Variants in CD38 observed in about 807,000 individuals in gnomAD.
CD38 encodes ADP-ribosyl cyclase/cyclic ADP-ribose hydrolase 1.
In CD38, 31 loss-of-function variants were observed where a neutral mutation model predicts 36.3. The ratio of observed to expected loss-of-function variants is 0.85; its 90% CI spans 0.64 to 1.15. The LOEUF is 1.15. Ranked by LOEUF, CD38 falls within the 50% of genes most tolerant of loss-of-function variation. The pLI is 0.00. For synonymous variants in CD38, 131 were observed against 135.2 expected (o/e 0.97, Z 0.22); for missense variants, 380 against 371.9 (o/e 1.02, Z -0.18).
intron 7 of CD38, among the ~76,000 whole-genome samples, chr4:15,842,103 G>A (rs1401420434): frequency 1.6e-5 from 2 of 123,760 alleles, no homozygotes; most frequent in South Asian, 2.8e-4. Context: ...CACCTCTGGG[G>A]GCAGGGCACA....
intron 7 of CD38, among the ~76,000 whole-genome samples, chr4:15,848,293 A>C (rs1313726475): frequency 6.6e-6 from 1 of 152,168 alleles, no homozygotes; most frequent in African/African-American, 2.4e-5. Flanking sequence ...GGAAGAGAGG[A>C]AAGCAAATTA....
At chr4:15,840,946 G>A (rs181121322) in intron 7 of CD38, among the ~76,000 whole-genome samples, 1 of 152,040 alleles carries the variant, frequency 6.6e-6, no homozygotes, top group East Asian at 1.9e-4. Flanking sequence ...ACATCATTTT[G>A]CAAGTGAAGC....
At chr4:15,803,150 G>A (rs1274858555) in intron 1 of CD38, among the ~76,000 whole-genome samples, 2 of 152,018 alleles carry the variant, frequency 1.3e-5, no homozygotes, top group South Asian at 2.1e-4. Flanking sequence ...AACTCAAAAC[G>A]AATCAAAGAC....
At chr4:15,791,584 T>A (rs1577636839) in intron 1 of CD38, among the ~76,000 whole-genome samples, 3 of 65,624 alleles carry the variant, frequency 4.6e-5, no homozygotes, top group Admixed American at 4.0e-4. Flanking sequence ...GGTGGGGGGG[T>A]CAGCCCCCCG....
At chr4:15,839,852 G>A (rs1005088607) in intron 5 of CD38, among the ~76,000 whole-genome samples, 174 bp from the exon 6 acceptor site, 8 of 152,266 alleles carry the variant, frequency 5.3e-5, no homozygotes, top group African/African-American at 1.9e-4. Context: ...TGAGAATCTT[G>A]TTAACCGAGG....
intron 1 of CD38, among the ~76,000 whole-genome samples, chr4:15,810,376 T>C (rs1217360649): frequency 2.0e-5 from 3 of 152,234 alleles, no homozygotes; most frequent in African/African-American, 7.2e-5. Context: ...AGATCTTTTG[T>C]AGTGGAAAAT....
At chr4:15,798,533 T>A (rs1173707510) in intron 1 of CD38, among the ~76,000 whole-genome samples, 7 of 152,188 alleles carry the variant, frequency 4.6e-5, no homozygotes, top group African/African-American at 1.2e-4. Context: ...TAAAAGAGGC[T>A]TGAGAAGTGA....
At chr4:15,807,549 AG>A (rs1415284496) in intron 1 of CD38, among the ~76,000 whole-genome samples, 1 of 151,440 alleles carries the variant, frequency 6.6e-6, no homozygotes, top group Non-Finnish European at 1.5e-5. Flanking sequence ...CCTGAGTGTC[AG>A]GGGGGGCTGC....
chr4:15,791,156 C>T (rs1722975014), intron 1 of CD38, among the ~76,000 whole-genome samples: 1 of 118,044 alleles, frequency 8.5e-6, no homozygotes, highest in Non-Finnish European at 1.7e-5. Flanking sequence ...GGCCAGCCGC[C>T]CCGTCCGGGA....
chr4:15,796,882 A>T (rs977256791), intron 1 of CD38, among the ~76,000 whole-genome samples: 2 of 152,144 alleles, frequency 1.3e-5, no homozygotes, highest in Non-Finnish European at 2.9e-5. Context: ...GTATCTATGA[A>T]CGTTTCGATT....
intron 1 of CD38, among the ~76,000 whole-genome samples, chr4:15,813,158 G>A (rs1285894523): frequency 6.6e-6 from 1 of 152,158 alleles, no homozygotes; most frequent in African/African-American, 2.4e-5. Context: ...ATACAATGTT[G>A]AATATAAGTA....
At chr4:15,793,082 C>G (rs994992954) in intron 1 of CD38, among the ~76,000 whole-genome samples, 2 of 152,210 alleles carry the variant, frequency 1.3e-5, no homozygotes, top group East Asian at 3.9e-4. Flanking sequence ...CCTTTATTAT[C>G]TGTTGACTGA....
At chr4:15,838,659 T>C (rs115535523) in intron 5 of CD38, among the ~76,000 whole-genome samples, 136 of 152,352 alleles carry the variant, frequency 8.9e-4, no homozygotes, top group African/African-American at 3.2e-3. Flanking sequence ...TGCTGGGCTC[T>C]TGGCCTTCAC....
intron 1 of CD38, among the ~76,000 whole-genome samples, chr4:15,812,445 C>T (rs1723493808): frequency 6.6e-6 from 1 of 152,190 alleles, no homozygotes; most frequent in African/African-American, 2.4e-5. Context: ...CGCCTGTAAT[C>T]CCAGCACTTT....
intron 3 of CD38, among the ~76,000 whole-genome samples, chr4:15,833,502 T>C (rs1723998785): frequency 6.6e-6 from 1 of 152,190 alleles, no homozygotes; most frequent in Admixed American, 6.6e-5. Flanking sequence ...TATCTACACA[T>C]GGGAATGTTT....
chr4:15,801,329 G>C (rs1723219421), intron 1 of CD38, among the ~76,000 whole-genome samples: 1 of 151,506 alleles, frequency 6.6e-6, no homozygotes, highest in African/African-American at 2.4e-5. Flanking sequence ...AAAAAGCTCA[G>C]GACTGGATGG....
chr4:15,788,997 A>G lies in CD38; in HGVS notation c.233+10350A>G, dbSNP rs1427532458. On this transcript the variant is annotated intron_variant, in intron 1 of 7. Transcript: ENST00000226279. ...CATCTAACTTCATAAGGTTCGAATA[A>G]AACTTCATAGAGTTATTAATGAATG... Among the ~76,000 whole-genome samples, 5 of 152,232 alleles carry G rather than the reference A, an allele frequency of 3.3e-5. No homozygotes were observed. In the East Asian group the frequency reaches 9.6e-4, roughly 29 times the overall value.
Position 15,837,503 on chromosome 4 carries a change from A to ACACTATTTT in CD38, c.586-588_586-580dup, listed in dbSNP as rs1312524325. On this transcript the variant is annotated intron_variant, in intron 4 of 7. Coordinates refer to ENST00000226279, the MANE Select transcript of CD38 (RefSeq NM_001775.4). ...AGGCCTCCTGGAGGGAGCATATAGA[A>ACACTATTTT]CACTATTTTGTTCATTTCATTTTTC... Among the ~76,000 whole-genome samples, 5 of 152,232 alleles carry ACACTATTTT rather than the reference A, an allele frequency of 3.3e-5. No individual in the cohort carries two copies. The East Asian group carries it at 9.6e-4, about 29-fold the overall frequency.
chr4:15,840,065 G>A lies in CD38; in HGVS notation c.699G>A (p.Glu233=), dbSNP rs1235191470. ...GSVEVHNLQP[E]KVQTLEAWVI... Reference sequence around the variant, plus strand: ...TGGAAGTCCATAATTTGCAACCAGAGAAGGTTCAGACACTAGAGGCCTGGG... The same window carrying A: ...TGGAAGTCCATAATTTGCAACCAGAAAAGGTTCAGACACTAGAGGCCTGGG... Residue 233 remains glutamate, a synonymous_variant, in exon 6 of 8, where the codon GAG becomes GAA. Transcript: ENST00000226279. 2 of 1,613,744 alleles carry A rather than the reference G, an allele frequency of 1.2e-6. No homozygotes were observed. Among genetic ancestry groups the A allele is most frequent in the African/African-American group, 2.7e-5 (2 of 74,888 alleles).
Sources: gnomAD v4.1 joint callset for allele counts (sites outside exome capture counted in the v4.1 genomes callset) on GRCh38, gnomAD v4.1.1 for gene constraint, MANE v1.5 for transcripts, NCBI Gene and HGNC (gene_info 2026-07-23, HGNC 2026-07-21) for gene names.